The following HECW1 variants were observed in gnomAD, a reference collection of about 807,000 sequenced individuals.
HECW1 encodes E3 ubiquitin-protein ligase HECW1.
Under a neutral mutation model 182.3 loss-of-function variants are expected in HECW1, and 61 were observed. That is an observed-to-expected ratio of 0.33 (90% CI 0.27 to 0.41). The LOEUF is 0.41. Ranked by LOEUF, HECW1 falls within the 10% of genes least tolerant of loss-of-function variation. The pLI is 1.00. For synonymous variants in HECW1, 859 were observed against 832.6 expected (o/e 1.03, Z -0.55); for missense variants, 1,739 against 2,108.9 (o/e 0.82, Z 3.44).
intron 24 of HECW1, among the ~76,000 whole-genome samples, chr7:43,524,300 A>C (rs2080666975): frequency 1.3e-5 from 2 of 152,210 alleles, no homozygotes; most frequent in Non-Finnish European, 2.9e-5. Flanking sequence ...CCAGGCAGAC[A>C]CAACAGGTTT....
rs759438823 is a variant in HECW1, at chr7:43,564,437, C to A, written c.*2511C>A. 2.2e-5 allele frequency: 4 copies of A among 184,272 alleles called. No individual in the cohort carries two copies. Among genetic ancestry groups the A allele is most frequent in the Non-Finnish European group, 3.5e-5 (3 of 86,742 alleles). 11.4% of individuals were successfully genotyped at this position (184,272 alleles called of 1,614,324 possible). On this transcript the variant is annotated 3_prime_UTR_variant, in exon 30 of 30. Coordinates refer to ENST00000395891, the MANE Select transcript of HECW1 (RefSeq NM_015052.5). ...CCCATATACAAAAGGAATGCAGTAT[C>A]TCAGAAATTATATATAGATAGGTAA...
At chr7:43,515,959 T>C (rs1381248522) in intron 24 of HECW1, among the ~76,000 whole-genome samples, 1 of 152,268 alleles carries the variant, frequency 6.6e-6, no homozygotes, top group Non-Finnish European at 1.5e-5. Context: ...TGCAAATGCA[T>C]ATAGTTTCAA....
intron 6 of HECW1, among the ~76,000 whole-genome samples, chr7:43,364,618 G>A (rs1415491918): frequency 6.6e-6 from 1 of 152,264 alleles, no homozygotes; most frequent in African/African-American, 2.4e-5. Flanking sequence ...ATGCCTTGAA[G>A]ACAGACAGGC....
Position 43,546,630 on chromosome 7 carries a change from C to A in HECW1, c.4249-3815C>A, listed in dbSNP as rs79458965. Among the ~76,000 whole-genome samples, 559 of 107,826 alleles carry A rather than the reference C, an allele frequency of 5.2e-3. 6 individuals carry two copies. Among genetic ancestry groups the A allele is most frequent in the East Asian group, 0.051 (117 of 2,302 alleles). The allele number at this position is 107,826 out of a possible 152,430, so 70.7% of individuals were successfully genotyped here. On this transcript the variant is annotated intron_variant, in intron 26 of 29. Transcript: ENST00000395891. The stretch of plus-strand genomic sequence containing the variant: ...TTGTCCAATATCAAAAAAAAAAAAA[C>A]AAACAAACTTTAAAAGGTAGTCCCT...
At chr7:43,373,921 T>C (rs1169068159) in intron 6 of HECW1, among the ~76,000 whole-genome samples, 1 of 152,228 alleles carries the variant, frequency 6.6e-6, no homozygotes, top group Non-Finnish European at 1.5e-5. Flanking sequence ...CTTATTTCAG[T>C]GAACATAGTA....
intron 7 of HECW1, among the ~76,000 whole-genome samples, chr7:43,403,999 GA>G (rs2075518317): frequency 6.6e-6 from 1 of 152,032 alleles, no homozygotes; most frequent in Non-Finnish European, 1.5e-5. Flanking sequence ...TTTACTTTTG[GA>G]AAATTCTAGA....
At chr7:43,382,575 T>C (rs1044545813) in intron 6 of HECW1, among the ~76,000 whole-genome samples, 1 of 152,216 alleles carries the variant, frequency 6.6e-6, no homozygotes, top group Non-Finnish European at 1.5e-5. Context: ...TTACTGCCTA[T>C]AAGCAGGAGC....
intron 2 of HECW1, among the ~76,000 whole-genome samples, chr7:43,115,088 G>A (rs537932621): frequency 2.6e-5 from 4 of 152,296 alleles, no homozygotes; most frequent in Admixed American, 6.5e-5. Flanking sequence ...GGTTTCTATC[G>A]TTCTTTCTAG....
At chr7:43,403,496 G>C (rs1454753017) in intron 7 of HECW1, among the ~76,000 whole-genome samples, 2 of 152,192 alleles carry the variant, frequency 1.3e-5, no homozygotes, top group Non-Finnish European at 2.9e-5. Context: ...CTGGTAGAGA[G>C]CGGAAGAGGG....
At chr7:43,488,925 G>A (rs767492283) in intron 17 of HECW1, among the ~76,000 whole-genome samples, 4 of 152,180 alleles carry the variant, frequency 2.6e-5, no homozygotes, top group African/African-American at 9.7e-5. Flanking sequence ...TCTGCCTTTG[G>A]GCTAACTGGA....
chr7:43,272,722 G>A (rs377711212), intron 3 of HECW1, among the ~76,000 whole-genome samples: 1 of 152,190 alleles, frequency 6.6e-6, no homozygotes, highest in Non-Finnish European at 1.5e-5. Flanking sequence ...CTGCTGGTGG[G>A]AATGTAAATT....
intron 3 of HECW1, among the ~76,000 whole-genome samples, chr7:43,260,274 A>G (rs1379447213): frequency 6.6e-6 from 1 of 152,196 alleles, no homozygotes; most frequent in Non-Finnish European, 1.5e-5. Flanking sequence ...AGAAAGAACT[A>G]TCTGAACTAA....
At chr7:43,173,473 C>T (rs1385222072) in intron 2 of HECW1, among the ~76,000 whole-genome samples, 1 of 152,162 alleles carries the variant, frequency 6.6e-6, no homozygotes, top group East Asian at 1.9e-4. Context: ...TTTTGGGCAC[C>T]AGGGACTGGT....
intron 3 of HECW1, among the ~76,000 whole-genome samples, chr7:43,303,059 G>A (rs1383627631): frequency 6.6e-6 from 1 of 152,026 alleles, no homozygotes; most frequent in Non-Finnish European, 1.5e-5. Flanking sequence ...AACCTGACGA[G>A]GCCCTCCTGG....
chr7:43,283,118 A>G (rs966453494), intron 3 of HECW1, among the ~76,000 whole-genome samples: 1 of 150,290 alleles, frequency 6.7e-6, no homozygotes, highest in Non-Finnish European at 1.5e-5. Flanking sequence ...GAGTAAGACT[A>G]TCTCCAAAAA....
rs572195617 is a variant in HECW1 at position 43,283,417 on chromosome 7, A to T, written c.28-28346A>T. Among the ~76,000 whole-genome samples the T allele has an allele frequency of 2.0e-5, 3 of 152,338 alleles. No individual in the cohort carries two copies. In the South Asian group the frequency reaches 6.2e-4, roughly 32 times the overall value. On this transcript the variant is annotated intron_variant, in intron 3 of 29. Transcript: ENST00000395891. ...TTAAAGACATTTTCAGAAATGTTAAATGATGCCATAATTCTCACTTTTTTT... is the reference window on the plus strand; with the variant it reads ...TTAAAGACATTTTCAGAAATGTTAATTGATGCCATAATTCTCACTTTTTTT...
At chr7:43,224,333 G>C (rs891945023) in intron 2 of HECW1, among the ~76,000 whole-genome samples, 2 of 152,118 alleles carry the variant, frequency 1.3e-5, no homozygotes, top group Non-Finnish European at 2.9e-5. Flanking sequence ...GCCTAGTGGA[G>C]GCACTGATGT....
chr7:43,189,068 T>A (rs1166420049), intron 2 of HECW1, among the ~76,000 whole-genome samples: 1 of 152,134 alleles, frequency 6.6e-6, no homozygotes, highest in Non-Finnish European at 1.5e-5. Context: ...CACGGTTGAG[T>A]TGAATGCTTA....
At chr7:43,551,611 G>A (rs765122685) in intron 27 of HECW1, among the ~76,000 whole-genome samples, 5 of 152,124 alleles carry the variant, frequency 3.3e-5, no homozygotes, top group East Asian at 1.9e-4. Context: ...TAAGAAAGTC[G>A]AGTCAGATTT....
Sources: allele counts gnomAD v4.1 joint callset (sites outside exome capture counted in the v4.1 genomes callset), GRCh38; gene constraint gnomAD v4.1.1; transcripts MANE v1.5; gene names NCBI Gene and HGNC (gene_info 2026-07-23, HGNC 2026-07-21).